The following SHOX2 variants were observed in gnomAD, a reference collection of about 807,000 sequenced individuals.
SHOX2 encodes short stature homeobox protein 2.
SHOX2 carries 13 observed loss-of-function variants against 31.3 expected under a neutral mutation model. The observed-to-expected ratio is 0.42, with a 90% CI of 0.27 to 0.66. SHOX2 has a LOEUF of 0.66. Ranked by LOEUF, SHOX2 falls within the 30% of genes least tolerant of loss-of-function variation. SHOX2 has a pLI of 0.27. For missense variants in SHOX2, 473 were observed against 443.0 expected (o/e 1.07, Z -0.61); for synonymous variants, 244 against 196.2 (o/e 1.24, Z -2.04).
chr3:158,101,931 C>A (rs1030035154), intron 2 of SHOX2, among the ~76,000 whole-genome samples: 3 of 152,110 alleles, frequency 2.0e-5, no homozygotes. Flanking sequence ...CCTCCACAAC[C>A]AATAAAGAAA....
chr3:158,103,505 A>C (rs1486190291), intron 1 of SHOX2: 1 of 155,026 alleles, frequency 6.5e-6, no homozygotes, highest in African/African-American at 2.4e-5. Flanking sequence ...CCGCATCCGC[A>C]GACGCCCCTC....
intron 4 of SHOX2, among the ~76,000 whole-genome samples, chr3:158,099,469 C>T (rs997022557): frequency 1.3e-5 from 2 of 152,184 alleles, no homozygotes; most frequent in African/African-American, 4.8e-5. Context: ...TTTAATGTGA[C>T]TAAGAGGTAG....
chr3:158,106,129 A>G lies in SHOX2; in HGVS notation c.-105T>C. ...CCAGCCCCCCCAATAATAACACATC[A>G]ATGGGACAGGAGGTGGGGGAGGAGA... On this transcript the variant is annotated 5_prime_UTR_variant, in exon 1 of 5. Coordinates refer to ENST00000483851, the MANE Select transcript of SHOX2 (RefSeq NM_001163678.2). 1 of 1,542,492 alleles carries G rather than the reference A, an allele frequency of 6.5e-7. No individual in the cohort carries two copies. The highest frequency in any genetic ancestry group is 8.8e-7 in the Non-Finnish European group (1 of 1,140,936).
rs764803527 is a variant in SHOX2, at chr3:158,099,922, A to C, written c.640T>G (p.Phe214Val). ...KGVLIGAASQFEACRVAPYVN... is the reference protein window; with the variant it reads ...KGVLIGAASQVEACRVAPYVN... ...TAAGGTGCGACTCTACAAGCTTCAA[A>C]CTGGCTGGCGGCCCCTATGAGAACA... The change falls in exon 4 of 5, where the codon TTT (phenylalanine) becomes GTT (valine). Residue 214 changes from phenylalanine to valine, a missense_variant. This residue lies in a region of SHOX2 where 182 missense variants were observed against 167.2 expected (regional missense o/e 1.09). Transcript: ENST00000483851. The C allele has an allele frequency of 4.3e-6, 7 of 1,614,192 alleles. No homozygotes were observed. Among genetic ancestry groups the C allele is most frequent in the Non-Finnish European group, 5.9e-6 (7 of 1,180,012 alleles).
intron 1 of SHOX2, chr3:158,103,393 T>G (rs955146359): frequency 3.3e-5 from 6 of 184,078 alleles, no homozygotes; most frequent in South Asian, 1.1e-4. Context: ...TCACCACCGC[T>G]GGCTCTCTGC....
At chr3:158,104,880 T>C (rs1915940) in intron 1 of SHOX2, among the ~76,000 whole-genome samples, 135,216 of 152,218 alleles carry the variant, frequency 0.89, 60,210 homozygotes, top group East Asian at 1. Context: ...GTTGAACTCC[T>C]TTGAATTGGT....
chr3:158,106,086 T>C lies in SHOX2; in HGVS notation c.-62A>G. The C allele has an allele frequency of 6.3e-7, 1 of 1,599,756 alleles. No homozygotes were observed. Among genetic ancestry groups the C allele is most frequent in the African/African-American group, 1.4e-5 (1 of 73,778 alleles). On this transcript the variant is annotated 5_prime_UTR_variant, in exon 1 of 5. Transcript: ENST00000483851. ...AGCAGAGCCCCGCTCTTTTTTTCCT[T>C]CTTCTTTTTTTACTGCTCCAGCCCC...
rs767174123 is a variant in SHOX2 at position 158,098,178 on chromosome 3, A to C, written c.809T>G (p.Phe270Cys). Reference sequence around the variant, plus strand: ...GGCCAGCGTGGCGAGCGGCAGTCCGAAGGGCGGTGCTGGGAACATCATGTA... The same window carrying C: ...GGCCAGCGTGGCGAGCGGCAGTCCGCAGGGCGGTGCTGGGAACATCATGTA... ...APYMMFPAPPFGLPLATLAAD... is the reference protein window; with the variant it reads ...APYMMFPAPPCGLPLATLAAD... The change falls in exon 5 of 5, where the codon TTC (phenylalanine) becomes TGC (cysteine). Residue 270 changes from phenylalanine (F) to cysteine (C), a missense_variant. Phe to Cys is a radical substitution (Grantham distance 205). Coordinates refer to ENST00000483851, the MANE Select transcript of SHOX2 (RefSeq NM_001163678.2). The C allele has an allele frequency of 2.5e-6, 4 of 1,613,496 alleles. No homozygotes were observed. The highest frequency in any genetic ancestry group is 2.7e-5 in the African/African-American group (2 of 74,920).
chr3:158,100,132 G>T, intron 3 of SHOX2, 122 bp downstream of exon 3: 1 of 976,754 alleles, frequency 1.0e-6, no homozygotes, highest in Non-Finnish European at 1.5e-6. Context: ...AGCCTTTGAA[G>T]ATTATTAAGT....
At chr3:158,099,828 T>A in intron 4 of SHOX2, 32 bp downstream of exon 4, 1 of 1,538,250 alleles carries the variant, frequency 6.5e-7, no homozygotes, top group Non-Finnish European at 9.0e-7. Flanking sequence ...ATTTTCATAT[T>A]TAAAAACAGC....
intron 4 of SHOX2, among the ~76,000 whole-genome samples, chr3:158,098,812 G>T (rs544000086): frequency 6.6e-6 from 1 of 152,104 alleles, no homozygotes; most frequent in African/African-American, 2.4e-5. Context: ...CAGGGATCTC[G>T]TTAAAATTCA....
rs756844905 is a variant in SHOX2, at chr3:158,102,696, C to A, written c.537G>T (p.Leu179=). The change falls in exon 2 of 5, where the codon CTG becomes CTT. Residue 179 remains leucine (L), a synonymous_variant. Coordinates refer to ENST00000483851, the MANE Select transcript of SHOX2 (RefSeq NM_001163678.2). ...TGGGTACCTGCACTCGGGCCTCCGACAGGCCCAGTCGCTGGCTCAGTTCCT... is the reference window on the plus strand; with the variant it reads ...TGGGTACCTGCACTCGGGCCTCCGAAAGGCCCAGTCGCTGGCTCAGTTCCT... ...MREELSQRLG[L]SEARVQVWFQ... is the part of the protein sequence containing the mutation. 1.9e-6 allele frequency: 3 copies of A among 1,614,020 alleles called. No individual in the cohort carries two copies. Among genetic ancestry groups the A allele is most frequent in the Non-Finnish European group, 2.5e-6 (3 of 1,180,022 alleles).
chr3:158,105,145 GA>G (rs1397818424), intron 1 of SHOX2: 1 of 1,515,248 alleles, frequency 6.6e-7, no homozygotes, highest in South Asian at 1.2e-5. Flanking sequence ...AAGAGAATGG[GA>G]AGTTTTGGCC....
chr3:158,106,248 G>C lies in SHOX2; in HGVS notation c.-224C>G. The C allele has an allele frequency of 1.6e-6, 1 of 621,734 alleles. No individual in the cohort carries two copies. The highest frequency in any genetic ancestry group is 2.6e-6 in the Non-Finnish European group (1 of 389,948). The allele number at this position is 621,734 out of a possible 1,614,324, so 38.5% of individuals were successfully genotyped here. On this transcript the variant is annotated 5_prime_UTR_variant, in exon 1 of 5. Transcript: ENST00000483851. ...AAAGAAGTAAGAAGAGGAGGAGGAG[G>C]AAGAAGAGGAAGAGGGGGAGAAGGG...
intron 1 of SHOX2, chr3:158,105,078 C>T (rs1400277850): frequency 3.5e-6 from 5 of 1,416,504 alleles, no homozygotes; most frequent in South Asian, 1.2e-5. Context: ...AAACGCCTCG[C>T]CCGGGAGAAG....
rs1713228413 is a variant in SHOX2 at position 158,097,966 on chromosome 3, C to A, written c.*61G>T. ...AAGGGGTAACGGAGAAGCAGCGGGG[C>A]GCGGAGGGCGTGCAGGCTGAGTGCC... On this transcript the variant is annotated 3_prime_UTR_variant, in exon 5 of 5. Coordinates refer to ENST00000483851, the MANE Select transcript of SHOX2 (RefSeq NM_001163678.2). The A allele has an allele frequency of 2.6e-6, 4 of 1,533,962 alleles. No homozygotes were observed. Among genetic ancestry groups the A allele is most frequent in the Admixed American group, 4.0e-5 (2 of 50,244 alleles).
rs200260591 is a variant in SHOX2, at chr3:158,096,438, AAAC to A, written c.*1586_*1588del. On this transcript the variant is annotated 3_prime_UTR_variant, in exon 5 of 5. Coordinates refer to ENST00000483851, the MANE Select transcript of SHOX2 (RefSeq NM_001163678.2). ...AAAAAAAAACAAAAAAGAAACAAAC[AAAC>A]AAAAAAAAAAGGTTACTTGAATAGA... is the stretch of plus-strand genomic sequence containing the variant. The A allele has an allele frequency of 0.077, 9,931 of 128,684 alleles. 379 individuals are homozygous for A. Among genetic ancestry groups the A allele is most frequent in the East Asian group, 0.1 (466 of 4,500 alleles). 8.0% of individuals were successfully genotyped at this position (128,684 alleles called of 1,614,324 possible). A position where few individuals can be genotyped will look rare whatever the true frequency, so the allele number is the denominator to read the frequency against.
chr3:158,104,937 T>C (rs1299661965), intron 1 of SHOX2: 2 of 681,068 alleles, frequency 2.9e-6, no homozygotes, highest in Admixed American at 4.4e-5. Flanking sequence ...AACACTGAGC[T>C]AGCACCAAAG....
chr3:158,105,725 G>T lies in SHOX2; in HGVS notation c.300C>A (p.Gly100=). The change falls in exon 1 of 5, where the codon GGC becomes GGA. Residue 100 remains glycine (G), a synonymous_variant. Transcript: ENST00000483851. ...GRSPVRELDM[G]AAERSREPGS... is the part of the protein sequence containing the mutation. ...CCGGCTCCCTGCTTCTCTCGGCGGCGCCCATGTCCAGCTCCCGGACGGGAG... is the reference window on the plus strand; with the variant it reads ...CCGGCTCCCTGCTTCTCTCGGCGGCTCCCATGTCCAGCTCCCGGACGGGAG... 6.6e-7 allele frequency: 1 copy of T among 1,525,076 alleles called. No homozygotes were observed. 94.5% of individuals were successfully genotyped at this position (1,525,076 alleles called of 1,614,324 possible). A position where few individuals can be genotyped will look rare whatever the true frequency, so the allele number is the denominator to read the frequency against.
Sources: gnomAD v4.1 joint callset for allele counts (sites outside exome capture counted in the v4.1 genomes callset) on GRCh38, gnomAD v4.1.1 for gene constraint, gnomAD v4.1.1 regional missense constraint, MANE v1.5 for transcripts, NCBI Gene and HGNC (gene_info 2026-07-23, HGNC 2026-07-21) for gene names.